Variants in LNX1 observed in about 807,000 individuals in gnomAD.
LNX1 encodes E3 ubiquitin-protein ligase LNX.
Under a neutral mutation model 68.4 loss-of-function variants are expected in LNX1, and 54 were observed. The ratio of observed to expected loss-of-function variants is 0.79; its 90% confidence interval spans 0.63 to 0.99. The LOEUF is 0.99. Ranked by LOEUF, LNX1 falls within the 50% of genes least tolerant of loss-of-function variation. The pLI is 0.00. For missense variants in LNX1, 906 were observed against 926.4 expected (o/e 0.98, Z 0.29); for synonymous variants, 336 against 350.0 (o/e 0.96, Z 0.45).
chr4:53,559,415 G>T (rs200825695), intron 2 of LNX1, among the ~76,000 whole-genome samples: 1 of 152,164 alleles, frequency 6.6e-6, no homozygotes, highest in Admixed American at 6.5e-5. Context: ...AAGAAGTTAG[G>T]TTTGATATGT....
At chr4:53,607,817 T>A (rs1299438268) in intron 2 of LNX1, among the ~76,000 whole-genome samples, 1 of 151,988 alleles carries the variant, frequency 6.6e-6, no homozygotes, top group African/African-American at 2.4e-5. Flanking sequence ...ATGTTGCACA[T>A]TTAAAACCAT....
At chr4:53,568,598 G>GCACAAGACAGGGGGA (rs1730893030) in intron 2 of LNX1, among the ~76,000 whole-genome samples, 2 of 151,532 alleles carry the variant, frequency 1.3e-5, no homozygotes, top group Non-Finnish European at 2.9e-5. Flanking sequence ...AGACAGGGGG[G>GCACAAGACAGGGGGA]CACAAGACAG....
Position 53,517,974 on chromosome 4 carries a change from T to G in LNX1, c.381-9747A>C, listed in dbSNP as rs200410776. ...CATTTACCACCAACCACACACGGCT[T>G]CCCCTCATTAGCCCCTTTCTTCTGC... is the stretch of plus-strand genomic sequence containing the variant. On this transcript the variant is annotated intron_variant, in intron 2 of 10. Coordinates refer to ENST00000263925, the MANE Select transcript of LNX1 (RefSeq NM_001126328.3). 2.0e-5 allele frequency among the ~76,000 whole-genome samples: 3 copies of G among 152,214 alleles called. No individual in the cohort carries two copies. The East Asian group carries it at 5.8e-4, about 29-fold the overall frequency.
intron 1 of LNX1, chr4:53,579,378 A>C: frequency 1.8e-6 from 1 of 557,286 alleles, no homozygotes; most frequent in African/African-American, 2.0e-5. Context: ...TTTTAGAGAT[A>C]TATGGAGCCA....
chr4:53,573,585 G>A (rs778949770), intron 2 of LNX1, 38 bp downstream of exon 2: 7 of 1,460,184 alleles, frequency 4.8e-6, no homozygotes, highest in Non-Finnish European at 9.5e-7. Context: ...TGTCCCGCTT[G>A]GGGGTGGGAC....
chr4:53,649,504 A>G (rs1325113927), intron 1 of LNX1, among the ~76,000 whole-genome samples: 1 of 152,194 alleles, frequency 6.6e-6, no homozygotes, highest in Non-Finnish European at 1.5e-5. Context: ...TGAAGTCTAC[A>G]ATCCAGCACC....
chr4:53,550,330 G>T (rs932586229), intron 2 of LNX1, among the ~76,000 whole-genome samples: 4 of 152,136 alleles, frequency 2.6e-5, no homozygotes, highest in Non-Finnish European at 5.9e-5. Context: ...GTTGGAATAT[G>T]ATTTCTCCAA....
chr4:53,623,550 T>G (rs892528119), intron 1 of LNX1, among the ~76,000 whole-genome samples: 1 of 152,132 alleles, frequency 6.6e-6, no homozygotes, highest in Non-Finnish European at 1.5e-5. Flanking sequence ...ACAATTCTGA[T>G]GCAAACCATA....
chr4:53,637,049 CT>C (rs1734506133), intron 1 of LNX1, among the ~76,000 whole-genome samples: 1 of 151,832 alleles, frequency 6.6e-6, no homozygotes, highest in African/African-American at 2.4e-5. Context: ...GAATTACCGC[CT>C]CAATTGTTTC....
In LNX1 at chr4:53,461,044, TA is replaced by T. The variant is rs60909872; in HGVS notation, c.2052-3del. On this transcript the variant is annotated splice_polypyrimidine_tract_variant and splice_region_variant and intron_variant, in intron 10 of 10. Transcript: ENST00000263925. ...ACAGCAAGAAGAATATCACCACATC[TA>T]AAAAAAAAAACAAAACAAGATATGA... is the stretch of plus-strand genomic sequence containing the variant. 13,319 of 1,102,914 alleles carry T rather than the reference TA, an allele frequency of 0.012. No individual in the cohort carries two copies. Among genetic ancestry groups the T allele is most frequent in the Non-Finnish European group, 0.013 (10,416 of 797,080 alleles). The allele number at this position is 1,102,914 out of a possible 1,614,324, so 68.3% of individuals were successfully genotyped here.
At chr4:53,639,914 T>A (rs1734614516) in intron 1 of LNX1, among the ~76,000 whole-genome samples, 1 of 152,010 alleles carries the variant, frequency 6.6e-6, no homozygotes, top group African/African-American at 2.4e-5. Flanking sequence ...ATGCCTATAA[T>A]CCCAGCTACT....
At chr4:53,477,196 A>G (rs7682199) in intron 8 of LNX1, among the ~76,000 whole-genome samples, 84,396 of 152,082 alleles carry the variant, frequency 0.55, 25,286 homozygotes, top group Non-Finnish European at 0.67. Flanking sequence ...TTTCTAAAGC[A>G]CAGCTATCGG....
Position 53,459,965 on chromosome 4 carries a change from A to G in LNX1, c.*942T>C, listed in dbSNP as rs902898161. 4.2e-5 allele frequency: 9 copies of G among 214,928 alleles called. No individual in the cohort carries two copies. Among genetic ancestry groups the G allele is most frequent in the Non-Finnish European group, 2.8e-5 (3 of 106,660 alleles). The allele number at this position is 214,928 out of a possible 1,614,324, so 13.3% of individuals were successfully genotyped here. A position where few individuals can be genotyped will look rare whatever the true frequency, so the allele number is the denominator to read the frequency against. On this transcript the variant is annotated 3_prime_UTR_variant, in exon 11 of 11. Transcript: ENST00000263925. ...CTTTTTGATGGCTTTTCAATATTCT[A>G]AATTTGGGTTCCTGGTGAAACCAAA...
At chr4:53,478,540 C>T in intron 8 of LNX1, 25 bp downstream of exon 8, 5 of 1,587,632 alleles carry the variant, frequency 3.1e-6, no homozygotes, top group Non-Finnish European at 3.4e-6. Flanking sequence ...CACCCCAGTG[C>T]CTTTAAAATC....
intron 2 of LNX1, among the ~76,000 whole-genome samples, chr4:53,599,661 A>C (rs1732907891): frequency 6.6e-6 from 1 of 152,060 alleles, no homozygotes; most frequent in Admixed American, 6.5e-5. Context: ...GTGCCAGTTG[A>C]CTATAGAGCC....
intron 9 of LNX1, among the ~76,000 whole-genome samples, chr4:53,468,128 C>T (rs1021681766): frequency 3.9e-5 from 6 of 152,324 alleles, no homozygotes; most frequent in African/African-American, 1.2e-4. Flanking sequence ...GCCCATCAGA[C>T]TAACAGCTGA....
chr4:53,518,808 C>G (rs1340971514), intron 2 of LNX1, among the ~76,000 whole-genome samples: 2 of 152,132 alleles, frequency 1.3e-5, no homozygotes, highest in African/African-American at 4.8e-5. Context: ...GCAACTGTAA[C>G]ATGGGACGTA....
chr4:53,604,310 G>C (rs1577785507), intron 2 of LNX1, among the ~76,000 whole-genome samples: 1 of 152,170 alleles, frequency 6.6e-6, no homozygotes, highest in Non-Finnish European at 1.5e-5. Flanking sequence ...GAGAATGTTT[G>C]AGTTAAAAAT....
Position 53,478,566 on chromosome 4 carries a change from T to G in LNX1, c.1662A>C (p.Thr554=), listed in dbSNP as rs200339068. The G allele has an allele frequency of 2.7e-4, 438 of 1,604,416 alleles. No homozygotes were observed. Among genetic ancestry groups the G allele is most frequent in the Non-Finnish European group, 3.6e-4 (422 of 1,174,480 alleles). ...CTTTAAAATCCCTTTACTTTTTACC[T>G]GTTTTTATTCTTCCATCTCTGCTTA... is the stretch of plus-strand genomic sequence containing the variant. ...GVISRDGRIK[T]GDILLNVDGV... Residue 554 remains threonine, a splice_region_variant and synonymous_variant, in exon 8 of 11, where the codon ACA becomes ACC. Transcript: ENST00000263925.
Sources: allele counts gnomAD v4.1 joint callset (sites outside exome capture counted in the v4.1 genomes callset), GRCh38; gene constraint gnomAD v4.1.1; transcripts MANE v1.5; gene names NCBI Gene and HGNC (gene_info 2026-07-23, HGNC 2026-07-21).